The following TGFBR3 variants were observed in gnomAD, a reference collection of about 807,000 sequenced individuals.
TGFBR3 encodes transforming growth factor beta receptor type 3.
Under a neutral mutation model 87.9 loss-of-function variants are expected in TGFBR3, and 46 were observed. The observed-to-expected ratio is 0.52, with a 90% confidence interval of 0.41 to 0.67. TGFBR3 has a LOEUF of 0.67. Among genes scored for constraint, TGFBR3 ranks in the 30% least tolerant of loss-of-function variants. The pLI is 0.00. For synonymous variants in TGFBR3, 381 were observed against 391.6 expected (o/e 0.97, Z 0.32); for missense variants, 866 against 1,041.9 (o/e 0.83, Z 2.32).
chr1:91,738,179 T>C (rs925230243), intron 4 of TGFBR3, among the ~76,000 whole-genome samples: 2 of 152,234 alleles, frequency 1.3e-5, no homozygotes, highest in Non-Finnish European at 2.9e-5. Context: ...TTGGACTTCT[T>C]AGCCTCTATA....
chr1:91,863,116 GC>G (rs1678264461), intron 1 of TGFBR3, among the ~76,000 whole-genome samples: 1 of 152,196 alleles, frequency 6.6e-6, no homozygotes, highest in Non-Finnish European at 1.5e-5. Flanking sequence ...GGGAGCAGAA[GC>G]TTTTCACTGA....
intron 12 of TGFBR3, among the ~76,000 whole-genome samples, chr1:91,713,090 C>T (rs987707962): frequency 6.6e-6 from 1 of 152,178 alleles, no homozygotes; most frequent in Admixed American, 6.5e-5. Flanking sequence ...GAGCTGGCTC[C>T]GGCGCTGGGT....
rs143391541 is a variant in TGFBR3, at chr1:91,834,739, C to T, written c.61+26732G>A. On this transcript the variant is annotated intron_variant, in intron 2 of 16. Transcript: ENST00000212355. ...TGTTGCCCAGGCTGCAGTGCAATGG[C>T]GCAATCTTGGCTCACTGCAGCCTCC... Among the ~76,000 whole-genome samples, 1,478 of 152,266 alleles carry T rather than the reference C, an allele frequency of 9.7e-3. 71 individuals are homozygous for T. The East Asian group carries it at 0.12, about 12-fold the overall frequency.
intron 2 of TGFBR3, among the ~76,000 whole-genome samples, chr1:91,860,535 A>G (rs1035229866): frequency 6.6e-5 from 10 of 152,174 alleles, no homozygotes; most frequent in African/African-American, 2.4e-4. Flanking sequence ...CCCTCACAGT[A>G]AACACACTAA....
chr1:91,797,918 A>T (rs1026659635), intron 2 of TGFBR3, among the ~76,000 whole-genome samples: 2 of 152,218 alleles, frequency 1.3e-5, no homozygotes, highest in Non-Finnish European at 2.9e-5. Context: ...AGGGAAAGCA[A>T]AACAAACTTA....
chr1:91,779,408 C>T (rs757088455), intron 3 of TGFBR3, among the ~76,000 whole-genome samples: 12 of 152,180 alleles, frequency 7.9e-5, no homozygotes, highest in Non-Finnish European at 1.6e-4. Context: ...GCCCAAAGCC[C>T]CACAGCTCAT....
chr1:91,863,961 T>C (rs1678290945), intron 1 of TGFBR3: 1 of 152,244 alleles, frequency 6.6e-6, no homozygotes, highest in Non-Finnish European at 1.5e-5. Flanking sequence ...CTTCGAAATA[T>C]TAGATTCCCT....
At position 91,680,435 on chromosome 1, in the gene TGFBR3, A is replaced by G. The variant is rs1670868779; in HGVS notation, c.*3304T>C. The G allele has an allele frequency of 2.2e-6, 1 of 454,012 alleles. No homozygotes were observed. The highest frequency in any genetic ancestry group is 4.4e-6 in the Non-Finnish European group (1 of 226,818). 28.1% of individuals were successfully genotyped at this position (454,012 alleles called of 1,614,324 possible). A position where few individuals can be genotyped will look rare whatever the true frequency, so the allele number is the denominator to read the frequency against. On this transcript the variant is annotated 3_prime_UTR_variant, in exon 17 of 17. Transcript: ENST00000212355. ...ATACATCTAAGCATCTTCACAAAAT[A>G]GCTGACACACTGAACAGAGAAAAGA...
intron 2 of TGFBR3, among the ~76,000 whole-genome samples, chr1:91,849,467 G>C (rs375061574): frequency 6.6e-6 from 1 of 152,102 alleles, no homozygotes; most frequent in Non-Finnish European, 1.5e-5. Flanking sequence ...TCTTTCCCCA[G>C]ATATCCACTT....
chr1:91,864,397 GT>G (rs749035618), intron 1 of TGFBR3: 3 of 152,342 alleles, frequency 2.0e-5, no homozygotes, highest in Non-Finnish European at 4.4e-5. Context: ...AAGCTAAACA[GT>G]TTGATGCCCA....
chr1:91,838,891 T>C (rs1335022890), intron 2 of TGFBR3, among the ~76,000 whole-genome samples: 1 of 152,228 alleles, frequency 6.6e-6, no homozygotes, highest in Non-Finnish European at 1.5e-5. Flanking sequence ...TTGCAATACA[T>C]TGTTCTGGTT....
intron 2 of TGFBR3, among the ~76,000 whole-genome samples, chr1:91,899,194 C>G (rs865785446): frequency 1.3e-5 from 2 of 152,152 alleles, no homozygotes; most frequent in African/African-American, 4.8e-5. Flanking sequence ...TATTAATTAG[C>G]TTGATTTAAT....
intron 1 of TGFBR3, among the ~76,000 whole-genome samples, chr1:91,904,519 C>T (rs564526432): frequency 2.6e-5 from 4 of 151,526 alleles, no homozygotes; most frequent in African/African-American, 9.7e-5. Flanking sequence ...GCCTCAGCCT[C>T]CCAGGTAGCT....
chr1:91,748,196 A>C (rs1245309752), intron 4 of TGFBR3, among the ~76,000 whole-genome samples: 1 of 152,236 alleles, frequency 6.6e-6, no homozygotes, highest in Admixed American at 6.5e-5. Context: ...ATTAGCTCTG[A>C]AGCAAAGGCA....
intron 2 of TGFBR3, among the ~76,000 whole-genome samples, chr1:91,828,219 G>T (rs1228108127): frequency 6.6e-6 from 1 of 152,146 alleles, no homozygotes; most frequent in Non-Finnish European, 1.5e-5. Context: ...ATTACTCAGG[G>T]TGAAGCACTG....
chr1:91,713,456 T>G (rs1159242799), intron 12 of TGFBR3, among the ~76,000 whole-genome samples: 1 of 152,206 alleles, frequency 6.6e-6, no homozygotes, highest in African/African-American at 2.4e-5. Context: ...TGCCCCTCCC[T>G]GCTATGCCTC....
intron 2 of TGFBR3, among the ~76,000 whole-genome samples, chr1:91,843,413 C>T (rs144572593): frequency 1.8e-4 from 28 of 152,326 alleles, no homozygotes; most frequent in African/African-American, 6.5e-4. Flanking sequence ...CCTAACCATG[C>T]TGGCATCTTG....
At chr1:91,693,142 G>A (rs1375032602) in intron 16 of TGFBR3, among the ~76,000 whole-genome samples, 1 of 152,186 alleles carries the variant, frequency 6.6e-6, no homozygotes, top group Non-Finnish European at 1.5e-5. Flanking sequence ...ATGTGGTCCT[G>A]AAGTGAGTCT....
intron 2 of TGFBR3, among the ~76,000 whole-genome samples, chr1:91,823,365 C>A (rs1171110463): frequency 6.6e-6 from 1 of 152,144 alleles, no homozygotes; most frequent in Non-Finnish European, 1.5e-5. Flanking sequence ...CAATTACAGT[C>A]CTAGGTATTT....
Sources: allele counts gnomAD v4.1 joint callset (sites outside exome capture counted in the v4.1 genomes callset), GRCh38; gene constraint gnomAD v4.1.1; transcripts MANE v1.5; gene names NCBI Gene and HGNC (gene_info 2026-07-23, HGNC 2026-07-21).